SDK2: variants seen among roughly 807,000 people sequenced by gnomAD.
SDK2 encodes sidekick cell adhesion molecule 2, also known as protein sidekick-2.
A neutral mutation model predicts 253.9 loss-of-function variants in SDK2; 105 were observed. That is an observed-to-expected ratio of 0.41 (90% CI 0.35 to 0.49). The LOEUF (loss-of-function observed/expected upper bound fraction) is 0.49. SDK2 is among the 20% of genes least tolerant of loss of function. The pLI is 0.06. For synonymous variants in SDK2, 1,249 were observed against 1,234.9 expected, an observed-to-expected ratio of 1.01 and a Z score of -0.24; for missense variants, 2,608 against 3,003.0, an observed-to-expected ratio of 0.87 and a Z score of 3.07.
chr17:73,590,903 CTATT>C (rs1331941607), intron 1 of SDK2, among the ~76,000 whole-genome samples: 5 of 152,230 alleles, frequency 3.3e-5, no homozygotes, highest in African/African-American at 7.2e-5. Context: ...TGTCATTGAA[CTATT>C]TATTTGTTTA....
chr17:73,415,153 G>A (rs753672965), intron 17 of SDK2, among the ~76,000 whole-genome samples: 14 of 152,042 alleles, frequency 9.2e-5, no homozygotes. Context: ...CTTCCCCTCA[G>A]TCCTCCCACC....
rs2063241867 is a variant in SDK2 at position 73,422,593 on chromosome 17, C to T, written c.1898-159G>A. Among the ~76,000 whole-genome samples the T allele has an allele frequency of 5.3e-5, 8 of 152,250 alleles. 1 individual carries two copies. In the East Asian group the frequency reaches 1.2e-3, roughly 22 times the overall value. On this transcript the variant is annotated intron_variant, in intron 14 of 44. Transcript: ENST00000392650. ...GGCCCGCCATGCCATTTTTCTAGGT[C>T]CCATTAGCTCACACGACCCTGGGGA...
chr17:73,480,308 C>T (rs867004844), intron 2 of SDK2, among the ~76,000 whole-genome samples: 36 of 152,242 alleles, frequency 2.4e-4, no homozygotes, highest in African/African-American at 7.2e-4. Flanking sequence ...GAGGATAGTT[C>T]GGCTGTCTAC....
chr17:73,437,637 T>C (rs2063380323), intron 8 of SDK2, 102 bp downstream of exon 8: 7 of 1,008,696 alleles, frequency 6.9e-6, no homozygotes, highest in Non-Finnish European at 7.9e-6. Context: ...CCTAGTGACA[T>C]GGTCTCGAGA....
chr17:73,357,058 A>C (rs1270607626), intron 40 of SDK2, among the ~76,000 whole-genome samples: 1 of 152,204 alleles, frequency 6.6e-6, no homozygotes, highest in Non-Finnish European at 1.5e-5. Context: ...GACCATCTGG[A>C]GTGGGGAGAG....
intron 12 of SDK2, among the ~76,000 whole-genome samples, chr17:73,428,700 G>A (rs938497439): frequency 4.6e-5 from 7 of 152,080 alleles, no homozygotes; most frequent in African/African-American, 1.7e-4. Flanking sequence ...AAATTGCTGA[G>A]GTCTGGGTCT....
chr17:73,539,883 G>T (rs924062141), intron 1 of SDK2, among the ~76,000 whole-genome samples: 1 of 152,158 alleles, frequency 6.6e-6, no homozygotes, highest in Non-Finnish European at 1.5e-5. Context: ...GGGTACCCAG[G>T]ATGGGCGGCC....
intron 1 of SDK2, among the ~76,000 whole-genome samples, chr17:73,529,626 G>A (rs1198314784): frequency 6.6e-6 from 1 of 152,138 alleles, no homozygotes; most frequent in African/African-American, 2.4e-5. Context: ...AATGACTAGT[G>A]CCCTTACAAG....
chr17:73,387,731 G>T, intron 30 of SDK2, 105 bp downstream of exon 30: 2 of 1,030,534 alleles, frequency 1.9e-6, no homozygotes, highest in Non-Finnish European at 2.8e-6. Context: ...AGAGCTGGGG[G>T]CAGGCTGGAG....
At chr17:73,601,106 G>A (rs748788237) in intron 1 of SDK2, among the ~76,000 whole-genome samples, 6 of 151,100 alleles carry the variant, frequency 4.0e-5, no homozygotes, top group Middle Eastern at 3.2e-3. Context: ...TGCAACCTCC[G>A]CCTCCCAGGT....
chr17:73,446,693 T>G (rs2063455461), intron 5 of SDK2, among the ~76,000 whole-genome samples: 1 of 152,156 alleles, frequency 6.6e-6, no homozygotes, highest in East Asian at 1.9e-4. Flanking sequence ...TGAGGCTTAC[T>G]TTGGGAGCAG....
chr17:73,411,092 G>T (rs1046540370), intron 18 of SDK2, among the ~76,000 whole-genome samples: 1 of 151,926 alleles, frequency 6.6e-6, no homozygotes, highest in Non-Finnish European at 1.5e-5. Context: ...TCCCAATTAG[G>T]AGAGTTTTCC....
At chr17:73,595,159 C>T (rs1338482176) in intron 1 of SDK2, among the ~76,000 whole-genome samples, 1 of 151,996 alleles carries the variant, frequency 6.6e-6, no homozygotes, top group Non-Finnish European at 1.5e-5. Context: ...AAGCCATGAG[C>T]CACAGAAGGG....
In SDK2 at chr17:73,465,216, T is replaced by C. The variant is rs1392359560; in HGVS notation, c.331+6896A>G. 6.6e-6 allele frequency among the ~76,000 whole-genome samples: 1 copy of C among 151,908 alleles called. No homozygotes were observed. The highest frequency in any genetic ancestry group is 1.5e-5 in the Non-Finnish European group (1 of 67,960). ...TGACAGCGGGCTTGTTCCCCTCCAA[T>C]TGTCTTTTGTAGGAGTGGCTGCTAA... On this transcript the variant is annotated intron_variant, in intron 3 of 44. Coordinates refer to ENST00000392650, the MANE Select transcript of SDK2 (RefSeq NM_001144952.2). This position sits in a 1 kb window ranked among gnomAD's most constrained non-coding sequence, Gnocchi z 4.2.
intron 36 of SDK2, among the ~76,000 whole-genome samples, chr17:73,374,335 C>T (rs1345075709): frequency 7.3e-6 from 1 of 137,424 alleles, no homozygotes; most frequent in Non-Finnish European, 1.6e-5. Context: ...AAACCAAACA[C>T]ATCTGGAACC....
At chr17:73,560,560 G>A (rs547823717) in intron 1 of SDK2, among the ~76,000 whole-genome samples, 1 of 152,142 alleles carries the variant, frequency 6.6e-6, no homozygotes, top group Non-Finnish European at 1.5e-5. Flanking sequence ...GGCTGGTCTC[G>A]AACTCCTGAC....
chr17:73,631,394 A>G (rs892827401), intron 1 of SDK2, among the ~76,000 whole-genome samples: 1 of 152,212 alleles, frequency 6.6e-6, no homozygotes, highest in Non-Finnish European at 1.5e-5. Flanking sequence ...CCCGTGGGGA[A>G]GAGACTTTGG....
chr17:73,491,600 G>T (rs2063806951), intron 2 of SDK2, among the ~76,000 whole-genome samples: 1 of 152,190 alleles, frequency 6.6e-6, no homozygotes, highest in Non-Finnish European at 1.5e-5. Context: ...GTGCTTGCAA[G>T]CGTGAGCCAC....
At chr17:73,370,754 G>T (rs2062727688) in intron 36 of SDK2, among the ~76,000 whole-genome samples, 1 of 151,952 alleles carries the variant, frequency 6.6e-6, no homozygotes, top group African/African-American at 2.4e-5. Context: ...TTCTTTTGTA[G>T]TGATTTCTTT....
Sources: allele counts gnomAD v4.1 joint callset (sites outside exome capture counted in the v4.1 genomes callset), GRCh38; gene constraint gnomAD v4.1.1; non-coding constraint Gnocchi (gnomAD v3.1); transcripts MANE v1.5; gene names NCBI Gene and HGNC (gene_info 2026-07-23, HGNC 2026-07-21).